NTAQ1: variants seen among roughly 807,000 people sequenced by gnomAD.
The protein encoded by NTAQ1 is N-terminal glutamine amidase 1.
NTAQ1 carries 21 observed loss-of-function variants against 28.2 expected under a neutral mutation model. That is an observed-to-expected ratio of 0.74 (90% CI 0.53 to 1.07). NTAQ1 has a LOEUF of 1.07. NTAQ1 is among the 50% of genes least tolerant of loss of function. The probability of loss-of-function intolerance (pLI) is 0.00; values close to 1 mark genes in which losing one functional copy is unlikely to be tolerated. For missense variants in NTAQ1, 264 were observed against 256.6 expected (o/e 1.03, Z -0.20); for synonymous variants, 105 against 90.0 (o/e 1.17, Z -0.94).
At chr8:123,449,530 C>G (rs1375023344), downstream of NTAQ1, among the ~76,000 whole-genome samples, 1 of 152,054 alleles carries the variant, frequency 6.6e-6, no homozygotes, top group Non-Finnish European at 1.5e-5. Context: ...TCTACTGTTG[C>G]TGTATCACTG....
chr8:123,461,687 A>G (rs995393473), intron 6 of NTAQ1, among the ~76,000 whole-genome samples: 1 of 152,212 alleles, frequency 6.6e-6, no homozygotes, highest in Non-Finnish European at 1.5e-5. Flanking sequence ...TGACCTTGAT[A>G]ACTTTGTATA....
chr8:123,420,018 AT>A (rs1478202595), intron 1 of NTAQ1, among the ~76,000 whole-genome samples: 1 of 151,986 alleles, frequency 6.6e-6, no homozygotes, highest in African/African-American at 2.4e-5. Flanking sequence ...TGTCACCCAG[AT>A]AGTGAGCATA....
intron 1 of NTAQ1, among the ~76,000 whole-genome samples, chr8:123,421,000 T>C (rs532094583): frequency 1.3e-5 from 2 of 151,150 alleles, no homozygotes; most frequent in South Asian, 4.2e-4. Context: ...TTGGCCAAGA[T>C]TATCTTGATC....
At chr8:123,448,513 T>A (rs3932063), downstream of NTAQ1, among the ~76,000 whole-genome samples, 55,108 of 152,110 alleles carry the variant, frequency 0.36, 10,102 homozygotes, top group East Asian at 0.56. Flanking sequence ...CTCGGGAGGC[T>A]TGAGTATCAC....
At chr8:123,436,361 T>A in intron 3 of NTAQ1, 92 bp from the exon 4 acceptor site, 1 of 1,291,164 alleles carries the variant, frequency 7.7e-7, no homozygotes, top group Non-Finnish European at 1.1e-6. Context: ...GTAGCAGTCC[T>A]ATATCCTTTT....
At chr8:123,428,414 TC>T (rs779645102) in intron 2 of NTAQ1, among the ~76,000 whole-genome samples, 8 of 152,088 alleles carry the variant, frequency 5.3e-5, no homozygotes, top group Non-Finnish European at 8.8e-5. Context: ...GCCAGGCTGG[TC>T]TCGAACTCCT....
downstream of NTAQ1, among the ~76,000 whole-genome samples, chr8:123,446,648 G>A (rs1285636493): frequency 6.6e-6 from 1 of 152,126 alleles, no homozygotes; most frequent in East Asian, 1.9e-4. Context: ...CGCAAGACGA[G>A]CCCTGGTGCT....
In NTAQ1 at chr8:123,430,050, A is replaced by T; in HGVS notation, c.234+17A>T. 6.2e-7 allele frequency: 1 copy of T among 1,607,520 alleles called. No individual in the cohort carries two copies. The highest frequency in any genetic ancestry group is 1.3e-5 in the African/African-American group (1 of 74,892). On this transcript the variant is annotated intron_variant, in intron 3 of 5. Transcript: ENST00000287387. ...GTGATCTGGGTAAGACAGTTAATAC[A>T]GAGAGTATTGACGCATTATGACTTG...
Position 123,416,888 on chromosome 8 carries a change from G to T in NTAQ1, c.39G>T (p.Pro13=), listed in dbSNP as rs1813326179. The T allele has an allele frequency of 3.9e-6, 6 of 1,526,838 alleles. No individual in the cohort carries two copies. The highest frequency in any genetic ancestry group is 2.0e-5 in the Admixed American group (1 of 48,988). 94.6% of individuals were successfully genotyped at this position (1,526,838 alleles called of 1,614,324 possible). ...GCCCCGCTGCTGTCCACTACCAGCCGGCCAGCCCCCCGCGGGACGCCTGCG... is the reference window on the plus strand; with the variant it reads ...GCCCCGCTGCTGTCCACTACCAGCCTGCCAGCCCCCCGCGGGACGCCTGCG... ...GNGPAAVHYQ[P]ASPPRDACVY... is the part of the protein sequence containing the mutation. The change falls in exon 1 of 6, where the codon CCG becomes CCT. Residue 13 remains proline, a synonymous_variant. Transcript: ENST00000287387.
intron 3 of NTAQ1, among the ~76,000 whole-genome samples, chr8:123,431,290 TGAC>T (rs1814372484): frequency 6.9e-6 from 1 of 145,850 alleles, no homozygotes; most frequent in East Asian, 2.0e-4. Flanking sequence ...TGAGCTGAGG[TGAC>T]GCCATTGCAT....
chr8:123,444,055 CTTT>C (rs398068230), downstream of NTAQ1, among the ~76,000 whole-genome samples: 1 of 132,936 alleles, frequency 7.5e-6, no homozygotes, highest in Non-Finnish European at 1.6e-5. Flanking sequence ...TAAACTTTTT[CTTT>C]TTTTTTTTTG....
At chr8:123,426,800 A>G (rs1814085642) in intron 1 of NTAQ1, among the ~76,000 whole-genome samples, 1 of 151,794 alleles carries the variant, frequency 6.6e-6, no homozygotes, top group Non-Finnish European at 1.5e-5. Flanking sequence ...TCTCTACTAA[A>G]AATACAAAAG....
intron 6 of NTAQ1, among the ~76,000 whole-genome samples, chr8:123,453,848 G>A (rs1374442373): frequency 1.3e-5 from 2 of 152,314 alleles, no homozygotes; most frequent in African/African-American, 4.8e-5. Context: ...AAAGTAAAGT[G>A]ACTTATAGAA....
downstream of NTAQ1, among the ~76,000 whole-genome samples, chr8:123,473,661 G>A (rs1816063881): frequency 6.6e-6 from 1 of 152,180 alleles, no homozygotes; most frequent in Non-Finnish European, 1.5e-5. Flanking sequence ...CAGAAATCAT[G>A]TAGCACATAT....
At chr8:123,459,375 A>C (rs919454311) in intron 6 of NTAQ1, among the ~76,000 whole-genome samples, 1 of 152,184 alleles carries the variant, frequency 6.6e-6, no homozygotes. Flanking sequence ...GTGTTCTGCT[A>C]TCCGGAAGCT....
intron 2 of NTAQ1, among the ~76,000 whole-genome samples, chr8:123,428,929 A>G (rs1319826780): frequency 6.6e-6 from 1 of 151,960 alleles, no homozygotes; most frequent in Non-Finnish European, 1.5e-5. Context: ...TAAATTCAAG[A>G]TGGAAGATGT....
At chr8:123,459,394 C>A (rs537745067) in intron 6 of NTAQ1, among the ~76,000 whole-genome samples, 3 of 152,222 alleles carry the variant, frequency 2.0e-5, no homozygotes, top group Non-Finnish European at 2.9e-5. Flanking sequence ...CTCTCTGAAC[C>A]CCATAGTTCA....
downstream of NTAQ1, among the ~76,000 whole-genome samples, chr8:123,471,511 A>T (rs1331015604): frequency 6.6e-6 from 1 of 152,192 alleles, no homozygotes; most frequent in Non-Finnish European, 1.5e-5. Flanking sequence ...TGCATAGTGA[A>T]TCAACAAGCT....
chr8:123,460,670 C>T (rs937457837), intron 6 of NTAQ1, among the ~76,000 whole-genome samples: 17 of 152,106 alleles, frequency 1.1e-4, no homozygotes, highest in Non-Finnish European at 2.4e-4. Flanking sequence ...AGAAGACCAG[C>T]GTTTTGCAGT....
Sources: allele counts gnomAD v4.1 joint callset (sites outside exome capture counted in the v4.1 genomes callset), GRCh38; gene constraint gnomAD v4.1.1; transcripts MANE v1.5; gene names NCBI Gene and HGNC (gene_info 2026-07-23, HGNC 2026-07-21).